Variants in NHLRC2 observed in about 807,000 individuals in gnomAD.
NHLRC2 encodes NHL repeat containing 2.
Under a neutral mutation model 68.1 loss-of-function variants are expected in NHLRC2, and 33 were observed. The observed-to-expected ratio is 0.48, with a 90% CI of 0.37 to 0.65. The LOEUF (loss-of-function observed/expected upper bound fraction) is 0.65, where lower values mean the gene tolerates loss of function less well. Ranked by LOEUF, NHLRC2 falls within the 30% of genes least tolerant of loss-of-function variation. The pLI is 0.00. For missense variants in NHLRC2, 761 were observed against 853.8 expected (o/e 0.89, Z 1.35); for synonymous variants, 311 against 309.6 (o/e 1.00, Z -0.05).
chr10:113,870,281 G>A (rs1471981943), intron 2 of NHLRC2, among the ~76,000 whole-genome samples: 2 of 152,114 alleles, frequency 1.3e-5, no homozygotes, highest in African/African-American at 4.8e-5. Flanking sequence ...TTCAAAGTGA[G>A]GATGAAACAG....
rs1846300015 is a variant in NHLRC2 at position 113,908,994 on chromosome 10, G to C, written c.*458G>C. 6.3e-6 allele frequency: 1 copy of C among 158,772 alleles called. No individual in the cohort carries two copies. The highest frequency in any genetic ancestry group is 2.4e-5 in the African/African-American group (1 of 41,480). The allele number at this position is 158,772 out of a possible 1,614,324, so 9.8% of individuals were successfully genotyped here. ...GGCCACATTTGTATAAGAACACCAAGTATTCAAGGCATAAAGTCTGTTGTA... is the reference window on the plus strand; with the variant it reads ...GGCCACATTTGTATAAGAACACCAACTATTCAAGGCATAAAGTCTGTTGTA... On this transcript the variant is annotated 3_prime_UTR_variant, in exon 11 of 11. Coordinates refer to ENST00000369301, the MANE Select transcript of NHLRC2 (RefSeq NM_198514.4).
At chr10:113,902,729 C>A in intron 8 of NHLRC2, 136 bp downstream of exon 8, 1 of 737,726 alleles carries the variant, frequency 1.4e-6, no homozygotes, top group Non-Finnish European at 2.3e-6. Flanking sequence ...TATAACCCAG[C>A]CTGTTCTGCT....
rs1431266705 is a variant in NHLRC2 at position 113,911,272 on chromosome 10, T to G, written c.*2736T>G. ...TCACAAATGGTAGAATTTCTTGATA[T>G]GATTCTTGTAAAGAGTTTAGCTTAT... On this transcript the variant is annotated 3_prime_UTR_variant, in exon 11 of 11. Coordinates refer to ENST00000369301, the MANE Select transcript of NHLRC2 (RefSeq NM_198514.4). The G allele has an allele frequency of 1.3e-5, 2 of 152,164 alleles. No individual in the cohort carries two copies. The highest frequency in any genetic ancestry group is 2.9e-5 in the Non-Finnish European group (2 of 68,000). 9.4% of individuals were successfully genotyped at this position (152,164 alleles called of 1,614,324 possible). A position where few individuals can be genotyped will look rare whatever the true frequency, so the allele number is the denominator to read the frequency against.
intron 4 of NHLRC2, among the ~76,000 whole-genome samples, chr10:113,883,097 T>A (rs1846050180): frequency 6.6e-6 from 1 of 151,874 alleles, no homozygotes; most frequent in East Asian, 1.9e-4. Flanking sequence ...TTGGGAAGTA[T>A]AAGTCCTCCC....
chr10:113,874,159 CT>C (rs923259528), intron 2 of NHLRC2, among the ~76,000 whole-genome samples: 1 of 152,146 alleles, frequency 6.6e-6, no homozygotes, highest in African/African-American at 2.4e-5. Context: ...GTACTTACAA[CT>C]TTAAAAAATA....
chr10:113,907,624 G>A (rs564594200), intron 10 of NHLRC2, among the ~76,000 whole-genome samples: 1 of 152,154 alleles, frequency 6.6e-6, no homozygotes, highest in South Asian at 2.1e-4. Flanking sequence ...TTCGATTTTT[G>A]TTATAGATAG....
At chr10:113,891,837 G>A (rs1266092592) in intron 5 of NHLRC2, among the ~76,000 whole-genome samples, 1 of 152,172 alleles carries the variant, frequency 6.6e-6, no homozygotes, top group African/African-American at 2.4e-5. Flanking sequence ...TAGGCCTTGA[G>A]GAAAGGATGT....
chr10:113,899,791 G>T (rs1197085976), intron 6 of NHLRC2, among the ~76,000 whole-genome samples: 2 of 152,082 alleles, frequency 1.3e-5, no homozygotes, highest in Non-Finnish European at 2.9e-5. Context: ...GGTGGCGCTT[G>T]CCTGTAATCC....
At position 113,912,314 on chromosome 10, in the gene NHLRC2, A is replaced by C. The variant is rs1194251593; in HGVS notation, c.*3778A>C. 2.0e-5 allele frequency: 3 copies of C among 152,126 alleles called. No individual in the cohort carries two copies. Among genetic ancestry groups the C allele is most frequent in the Non-Finnish European group, 2.9e-5 (2 of 68,026 alleles). The allele number at this position is 152,126 out of a possible 1,614,324, so 9.4% of individuals were successfully genotyped here. On this transcript the variant is annotated 3_prime_UTR_variant, in exon 11 of 11. Transcript: ENST00000369301. The stretch of plus-strand genomic sequence containing the variant: ...GGACCATAAACACATATCACCCTAC[A>C]TTTTCTTTGCAACTACAATTTGTGA...
At chr10:113,865,288 C>A (rs117477265) in intron 2 of NHLRC2, among the ~76,000 whole-genome samples, 61 of 141,628 alleles carry the variant, frequency 4.3e-4, no homozygotes, top group Admixed American at 1.7e-3. Flanking sequence ...TCATCCCCCC[C>A]CCCCGTTCCT....
At chr10:113,880,755 T>A (rs1846030147) in intron 4 of NHLRC2, among the ~76,000 whole-genome samples, 1 of 151,950 alleles carries the variant, frequency 6.6e-6, no homozygotes, top group Non-Finnish European at 1.5e-5. Flanking sequence ...TGGCCTATGG[T>A]AGGTGTTCAA....
At chr10:113,907,193 T>C (rs539358414) in intron 10 of NHLRC2, among the ~76,000 whole-genome samples, 2 of 152,338 alleles carry the variant, frequency 1.3e-5, no homozygotes, top group African/African-American at 4.8e-5. Context: ...CGTACTCTTA[T>C]TTGACATATT....
Position 113,904,801 on chromosome 10 carries a change from T to A in NHLRC2, c.1705-16T>A, listed in dbSNP as rs1325093624. ...AAAGTTCTTGTGTTTTAATAACAGA[T>A]TTTCTTATTTCCTAGCTCCCCATCT... On this transcript the variant is annotated splice_polypyrimidine_tract_variant and intron_variant, in intron 9 of 10. Transcript: ENST00000369301. 19 of 1,584,106 alleles carry A rather than the reference T, an allele frequency of 1.2e-5. No homozygotes were observed. The highest frequency in any genetic ancestry group is 1.6e-5 in the Non-Finnish European group (19 of 1,152,920).
At chr10:113,903,045 T>C (rs1846241961) in intron 8 of NHLRC2, among the ~76,000 whole-genome samples, 1 of 152,194 alleles carries the variant, frequency 6.6e-6, no homozygotes, top group African/African-American at 2.4e-5. Context: ...TTTACAAAAA[T>C]CAGTGGATAA....
intron 4 of NHLRC2, among the ~76,000 whole-genome samples, chr10:113,883,206 A>G (rs556581760): frequency 6.6e-6 from 1 of 151,958 alleles, no homozygotes; most frequent in East Asian, 1.9e-4. Flanking sequence ...AAATCTTTTG[A>G]TTGTTTCTTA....
At chr10:113,903,836 G>A in intron 9 of NHLRC2, 100 bp downstream of exon 9, 1 of 729,006 alleles carries the variant, frequency 1.4e-6, no homozygotes, top group Admixed American at 2.2e-5. Context: ...ACCATCTCCA[G>A]GAGAGTATTA....
chr10:113,858,034 T>C (rs574524959), intron 1 of NHLRC2, among the ~76,000 whole-genome samples: 2 of 151,964 alleles, frequency 1.3e-5, no homozygotes, highest in East Asian at 3.9e-4. Context: ...ATTTACTATT[T>C]GATATTTCTT....
chr10:113,877,247 CTT>C (rs758830632), intron 3 of NHLRC2, among the ~76,000 whole-genome samples: 42 of 140,668 alleles, frequency 3.0e-4, no homozygotes, highest in Admixed American at 2.8e-4. Context: ...TATATTCTAT[CTT>C]TTTTTTTTTT....
At chr10:113,866,404 GTTA>G (rs1230910606) in intron 2 of NHLRC2, among the ~76,000 whole-genome samples, 1 of 152,088 alleles carries the variant, frequency 6.6e-6, no homozygotes, top group Non-Finnish European at 1.5e-5. Flanking sequence ...TTAATGGTAT[GTTA>G]TTATGTAGTA....
Sources: allele counts gnomAD v4.1 joint callset (sites outside exome capture counted in the v4.1 genomes callset), GRCh38; gene constraint gnomAD v4.1.1; transcripts MANE v1.5; gene names NCBI Gene and HGNC (gene_info 2026-07-23, HGNC 2026-07-21).